LIPC: variants seen among roughly 807,000 people sequenced by gnomAD.
The protein encoded by LIPC is lipase C, hepatic type, also known as hepatic triacylglycerol lipase.
A neutral mutation model predicts 50.7 loss-of-function variants in LIPC; 44 were observed. That is an observed-to-expected ratio of 0.87 (90% CI 0.68 to 1.11). The LOEUF is 1.11. Among genes scored for constraint, LIPC ranks in the 50% most tolerant of loss-of-function variants. The pLI is 0.00. For missense variants in LIPC, 697 were observed against 648.2 expected (o/e 1.08, Z -0.82); for synonymous variants, 271 against 256.4 (o/e 1.06, Z -0.54).
chr15:58,550,249 C>G (rs1363172522), intron 6 of LIPC, among the ~76,000 whole-genome samples: 1 of 152,134 alleles, frequency 6.6e-6, no homozygotes, highest in African/African-American at 2.4e-5. Flanking sequence ...ATTGCTTTCT[C>G]CTTGAAATCA....
At chr15:58,523,723 A>C (rs1280128401) in intron 1 of LIPC, among the ~76,000 whole-genome samples, 2 of 152,146 alleles carry the variant, frequency 1.3e-5, no homozygotes, top group African/African-American at 4.8e-5. Flanking sequence ...GTTTGAGACC[A>C]GCCTGAGCAA....
Position 58,560,921 on chromosome 15 carries a change from C to A in LIPC, c.1109C>A (p.Thr370Lys). ...FINQTETPIQ[T>K]TFTMSLLGTK... is the part of the protein sequence containing the mutation. ...AACCAAACTGAGACACCAATACAAA[C>A]AACTTTTACCATGTCACTACTCGGA... is the stretch of plus-strand genomic sequence containing the variant. Residue 370 changes from threonine (T) to lysine (K), a missense_variant, in exon 7 of 9, where the codon ACA becomes AAA. Transcript: ENST00000299022. 1 of 1,565,984 alleles carries A rather than the reference C, an allele frequency of 6.4e-7. No individual in the cohort carries two copies. The highest frequency in any genetic ancestry group is 8.8e-7 in the Non-Finnish European group (1 of 1,135,892).
intron 1 of LIPC, among the ~76,000 whole-genome samples, chr15:58,448,557 C>T (rs939024413): frequency 6.6e-5 from 10 of 152,240 alleles, no homozygotes; most frequent in Admixed American, 5.9e-4. Flanking sequence ...GTGGCTGGCT[C>T]AGGCTCTCAG....
At chr15:58,558,322 C>T (rs534915892) in intron 6 of LIPC, among the ~76,000 whole-genome samples, 3 of 152,082 alleles carry the variant, frequency 2.0e-5, no homozygotes, top group Non-Finnish European at 2.9e-5. Flanking sequence ...CCACCTGCCT[C>T]GGCTCCCAAA....
chr15:58,522,037 G>A (rs1310675503), intron 1 of LIPC: 1 of 152,088 alleles, frequency 6.6e-6, no homozygotes, highest in Non-Finnish European at 1.5e-5. Flanking sequence ...AGGTAGAGTT[G>A]GTGCTAGCTT....
chr15:58,533,212 C>T, intron 1 of LIPC: 1 of 978,770 alleles, frequency 1.0e-6, no homozygotes, highest in South Asian at 4.7e-5. Flanking sequence ...TGTGCTGCTT[C>T]TAGCTTATCC....
At position 58,537,155 on chromosome 15, in the gene LIPC, G is replaced by A. The variant is rs187619873; in HGVS notation, c.89-1178G>A. 7.1e-4 allele frequency among the ~76,000 whole-genome samples: 108 copies of A among 152,300 alleles called. No homozygotes were observed. In the Middle Eastern group the frequency reaches 0.027, roughly 38 times the overall value. On this transcript the variant is annotated intron_variant, in intron 1 of 8. Transcript: ENST00000299022. ...GCTCTTGGCCTGATCCCTAATCTTG[G>A]CAGAAAAGATGCGCCCATCTTGACA...
At chr15:58,501,338 C>T (rs1322050173) in intron 1 of LIPC, among the ~76,000 whole-genome samples, 1 of 126,090 alleles carries the variant, frequency 7.9e-6, no homozygotes, top group Non-Finnish European at 1.7e-5. Context: ...TACCTAGAGG[C>T]CTCTCATACT....
In LIPC at chr15:58,560,854, C is replaced by G. The variant is rs58453124; in HGVS notation, c.1052-10C>G. 4.9e-4 allele frequency: 460 copies of G among 938,302 alleles called. 1 individual carries two copies. In the African/African-American group the frequency reaches 6.7e-3, roughly 14 times the overall value. The allele number at this position is 938,302 out of a possible 1,614,324, so 58.1% of individuals were successfully genotyped here. On this transcript the variant is annotated splice_polypyrimidine_tract_variant and intron_variant, in intron 6 of 8. Coordinates refer to ENST00000299022, the MANE Select transcript of LIPC (RefSeq NM_000236.3). Reference sequence around the variant, plus strand: ...TATCTCTCTCTTTCTCTCTCTGTCTCTCTCTCTAGTTTATCATTACCAGTT... The same window carrying G: ...TATCTCTCTCTTTCTCTCTCTGTCTGTCTCTCTAGTTTATCATTACCAGTT...
chr15:58,534,483 A>G (rs570738614), intron 1 of LIPC, among the ~76,000 whole-genome samples: 8 of 152,262 alleles, frequency 5.3e-5, no homozygotes, highest in South Asian at 2.1e-4. Flanking sequence ...CTGCTGCTCA[A>G]TTACAGTGAA....
Position 58,548,345 on chromosome 15 carries a change from T to TA in LIPC, c.828dup (p.Cys277MetfsTer28), listed in dbSNP as rs1378089274. 6.2e-7 allele frequency: 1 copy of TA among 1,613,954 alleles called. No individual in the cohort carries two copies. Among genetic ancestry groups the TA allele is most frequent in the African/African-American group, 1.3e-5 (1 of 74,914 alleles). ...TGTGTTCCAGCCATCACCCAGACCA[T>TA]AAAATGCTCCCACGAGCGATCGGTG... On this transcript the variant is annotated frameshift_variant, in exon 6 of 9. Coordinates refer to ENST00000299022, the MANE Select transcript of LIPC (RefSeq NM_000236.3). LOFTEE classifies it high-confidence loss of function.
At chr15:58,476,996 C>T (rs959038868) in intron 1 of LIPC, among the ~76,000 whole-genome samples, 1 of 152,194 alleles carries the variant, frequency 6.6e-6, no homozygotes, top group Non-Finnish European at 1.5e-5. Flanking sequence ...ACTGGTCTTG[C>T]ACCACCATGG....
At chr15:58,494,468 C>G (rs536821018) in intron 1 of LIPC, among the ~76,000 whole-genome samples, 6 of 152,166 alleles carry the variant, frequency 3.9e-5, no homozygotes, top group African/African-American at 1.4e-4. Context: ...TTTGCACTTA[C>G]AGAAAATGAG....
intron 1 of LIPC, among the ~76,000 whole-genome samples, chr15:58,500,677 C>T (rs778220963): frequency 8.4e-4 from 128 of 152,280 alleles, no homozygotes; most frequent in Non-Finnish European, 1.6e-3. Flanking sequence ...TTGGGATCCA[C>T]GTGTAGCCCT....
intron 1 of LIPC, among the ~76,000 whole-genome samples, chr15:58,535,134 C>T (rs1355812311): frequency 3.3e-5 from 5 of 152,174 alleles, no homozygotes; most frequent in Admixed American, 2.0e-4. Flanking sequence ...TATCTTCTCT[C>T]GACCTCTTCC....
At chr15:58,503,791 C>G (rs57887591) in intron 1 of LIPC, among the ~76,000 whole-genome samples, 28,527 of 152,130 alleles carry the variant, frequency 0.19, 3,339 homozygotes, top group South Asian at 0.39. Context: ...CTGGACACAG[C>G]AGTGGCAGAA....
chr15:58,567,321 GTGTA>G (rs1346942674), intron 8 of LIPC, among the ~76,000 whole-genome samples: 15 of 27,960 alleles, frequency 5.4e-4, no homozygotes, highest in Admixed American at 2.4e-3. Flanking sequence ...ATATGTATAT[GTGTA>G]TATATATATA....
intron 1 of LIPC, among the ~76,000 whole-genome samples, chr15:58,480,676 C>T (rs184594914): frequency 2.9e-4 from 44 of 152,346 alleles, no homozygotes; most frequent in Middle Eastern, 3.4e-3. Context: ...TGCAGCCCAA[C>T]ACAAATTCAT....
chr15:58,441,925 G>GT (rs1173174595), intron 1 of LIPC, among the ~76,000 whole-genome samples: 1 of 152,306 alleles, frequency 6.6e-6, no homozygotes, highest in Non-Finnish European at 1.5e-5. Flanking sequence ...TGGAGGGTCT[G>GT]TGCTGCACAT....
Sources: gnomAD v4.1 joint callset for allele counts (sites outside exome capture counted in the v4.1 genomes callset) on GRCh38, gnomAD v4.1.1 for gene constraint, MANE v1.5 for transcripts, NCBI Gene and HGNC (gene_info 2026-07-23, HGNC 2026-07-21) for gene names.